LAMA2: variants seen among roughly 807,000 people sequenced by gnomAD.
The protein encoded by LAMA2 is laminin subunit alpha-2.
A neutral mutation model predicts 364.8 loss-of-function variants in LAMA2; 269 were observed. The ratio of observed to expected loss-of-function variants is 0.74; its 90% CI spans 0.67 to 0.82. The LOEUF is 0.82. LAMA2 is among the 40% of genes least tolerant of loss of function. The probability of loss-of-function intolerance (pLI) is 0.00; values close to 1 mark genes in which losing one functional copy is unlikely to be tolerated. For synonymous variants in LAMA2, 1,379 were observed against 1,370.6 expected, an observed-to-expected ratio of 1.01 and a Z score of -0.14; for missense variants, 3,807 against 3,873.2, an observed-to-expected ratio of 0.98 and a Z score of 0.45.
chr6:129,246,840 A>T (rs762692644), intron 12 of LAMA2, among the ~76,000 whole-genome samples: 46 of 152,112 alleles, frequency 3.0e-4, no homozygotes, highest in Non-Finnish European at 4.7e-4. Context: ...AGAGGCAGAG[A>T]ATTCTTTATC....
At chr6:129,371,765 C>G (rs933226731) in intron 34 of LAMA2, among the ~76,000 whole-genome samples, 1 of 152,000 alleles carries the variant, frequency 6.6e-6, no homozygotes, top group Non-Finnish European at 1.5e-5. Context: ...TGCCACCACA[C>G]CTGGCTAATT....
intron 31 of LAMA2, among the ~76,000 whole-genome samples, chr6:129,350,782 A>C (rs958489755): frequency 3.3e-5 from 5 of 152,256 alleles, no homozygotes; most frequent in Non-Finnish European, 7.3e-5. Flanking sequence ...AATCATGGCA[A>C]TAAGTAACTA....
chr6:128,968,291 T>C (rs1781977676), intron 1 of LAMA2, among the ~76,000 whole-genome samples: 1 of 152,202 alleles, frequency 6.6e-6, no homozygotes, highest in Non-Finnish European at 1.5e-5. Flanking sequence ...CACTCATTCA[T>C]TCATTCATTT....
intron 55 of LAMA2, among the ~76,000 whole-genome samples, chr6:129,484,967 T>C (rs1430714866): frequency 6.6e-6 from 1 of 152,204 alleles, no homozygotes; most frequent in Non-Finnish European, 1.5e-5. Flanking sequence ...ATATATCAAA[T>C]AGTCGTAATA....
chr6:129,369,763 A>G, intron 33 of LAMA2, 129 bp from the exon 34 acceptor site: 1 of 787,798 alleles, frequency 1.3e-6, no homozygotes, highest in South Asian at 1.5e-5. Context: ...CCCAGTTGAA[A>G]TAGTTTCCTT....
At chr6:129,304,140 A>C (rs1274381780) in intron 22 of LAMA2, among the ~76,000 whole-genome samples, 1 of 152,220 alleles carries the variant, frequency 6.6e-6, no homozygotes, top group Non-Finnish European at 1.5e-5. Context: ...ATAGACATTA[A>C]GATAATAATA....
In LAMA2 at chr6:129,478,808, C is replaced by G. The variant is rs746077104; in HGVS notation, c.7567C>G (p.Leu2523Val). The G allele has an allele frequency of 4.3e-6, 7 of 1,613,012 alleles. No individual in the cohort carries two copies. Among genetic ancestry groups the G allele is most frequent in the African/African-American group, 2.7e-5 (2 of 74,872 alleles). Reference protein sequence around the residue: ...DYVGVTKGCSLENVYTVSFPK... With the variant: ...DYVGVTKGCSVENVYTVSFPK... ...TGTTGGTGTTACCAAAGGATGTTCC[C>G]TGGAGGTTGGTCTGTTTTTGATAGT... Residue 2523 changes from leucine (L) to valine (V), a missense_variant, in exon 54 of 65, where the codon CTG becomes GTG. Transcript: ENST00000421865.
chr6:129,056,704 A>C (rs1449768782), intron 2 of LAMA2, among the ~76,000 whole-genome samples: 1 of 152,128 alleles, frequency 6.6e-6, no homozygotes, highest in Non-Finnish European at 1.5e-5. Context: ...ATCTTCACAA[A>C]TCTGAAAATG....
In LAMA2 at chr6:129,516,181, C is replaced by G. The variant is rs1360067502; in HGVS notation, c.9212-9C>G. ...TCAAAGCTGAGCCCTCTTGCATTGC[C>G]TTTTTCAGATGACCTCAAGCAGTTT... On this transcript the variant is annotated splice_polypyrimidine_tract_variant and intron_variant, in intron 64 of 64. Transcript: ENST00000421865. The G allele has an allele frequency of 1.2e-6, 2 of 1,613,976 alleles. No individual in the cohort carries two copies. Among genetic ancestry groups the G allele is most frequent in the South Asian group, 1.1e-5 (1 of 91,074 alleles).
At chr6:129,227,220 G>C in intron 12 of LAMA2, among the ~76,000 whole-genome samples, 1 of 152,154 alleles carries the variant, frequency 6.6e-6, no homozygotes, top group South Asian at 2.1e-4. Context: ...GTTATTCTAG[G>C]TAGCCATTTG....
At chr6:129,064,998 C>A (rs1387955958) in intron 3 of LAMA2, among the ~76,000 whole-genome samples, 1 of 152,106 alleles carries the variant, frequency 6.6e-6, no homozygotes, top group Non-Finnish European at 1.5e-5. Context: ...AACATAGATG[C>A]AAAACTCCTC....
chr6:129,515,565 T>C (rs751051355), intron 64 of LAMA2, among the ~76,000 whole-genome samples: 72 of 152,206 alleles, frequency 4.7e-4, no homozygotes, highest in Non-Finnish European at 7.9e-4. Context: ...TCCAACCTAC[T>C]TAACCTTTAG....
chr6:129,431,397 TAAA>T (rs35235056), intron 41 of LAMA2, among the ~76,000 whole-genome samples: 1 of 98,400 alleles, frequency 1.0e-5, no homozygotes, highest in Admixed American at 1.1e-4. Flanking sequence ...AGACTCTATC[TAAA>T]AAAAAAAAAA....
In LAMA2 at chr6:129,498,687, AT is replaced by A. The variant is rs202228469; in HGVS notation, c.8245-3971del. 8.3e-3 allele frequency among the ~76,000 whole-genome samples: 1,266 copies of A among 152,368 alleles called. 11 individuals are homozygous for A. Among genetic ancestry groups the A allele is most frequent in the Non-Finnish European group, 0.014 (942 of 68,032 alleles). On this transcript the variant is annotated intron_variant, in intron 58 of 64. Transcript: ENST00000421865. ...TATTAGAGAAATTAATTATTGACTC[AT>A]GAAAGAAGAAAATTATGCAATTTCT... is the stretch of plus-strand genomic sequence containing the variant.
At chr6:129,054,116 G>A (rs1788295731) in intron 2 of LAMA2, among the ~76,000 whole-genome samples, 1 of 152,166 alleles carries the variant, frequency 6.6e-6, no homozygotes, top group South Asian at 2.1e-4. Flanking sequence ...CTTATTTGAT[G>A]ATCTTGATTT....
chr6:129,239,716 G>A (rs1400247079), intron 12 of LAMA2, among the ~76,000 whole-genome samples: 2 of 152,070 alleles, frequency 1.3e-5, no homozygotes, highest in East Asian at 1.9e-4. Context: ...AAGTTCTGCT[G>A]TGTTGTCCAA....
At chr6:129,111,601 G>A (rs1033518318) in intron 4 of LAMA2, among the ~76,000 whole-genome samples, 5 of 151,936 alleles carry the variant, frequency 3.3e-5, no homozygotes, top group East Asian at 1.9e-4. Flanking sequence ...ATGTGCCAAA[G>A]CATGAATAGA....
At chr6:128,983,878 A>G (rs985231663) in intron 1 of LAMA2, among the ~76,000 whole-genome samples, 6 of 152,206 alleles carry the variant, frequency 3.9e-5, no homozygotes, top group Non-Finnish European at 7.3e-5. Context: ...TGCAGTTGCC[A>G]TTTATTGGAG....
At chr6:129,410,689 AGATGATAGATG>A (rs1451545940) in intron 40 of LAMA2, among the ~76,000 whole-genome samples, 1 of 152,048 alleles carries the variant, frequency 6.6e-6, no homozygotes, top group Non-Finnish European at 1.5e-5. Flanking sequence ...ATAGGCTGGT[AGATGATAGATG>A]GATGATAGAC....
Sources: allele counts gnomAD v4.1 joint callset (sites outside exome capture counted in the v4.1 genomes callset), GRCh38; gene constraint gnomAD v4.1.1; transcripts MANE v1.5; gene names NCBI Gene and HGNC (gene_info 2026-07-23, HGNC 2026-07-21).